CPNE4: variants seen among roughly 807,000 people sequenced by gnomAD.
CPNE4 encodes the protein copine-4.
In CPNE4, 25 loss-of-function variants were observed where a neutral mutation model predicts 67.9. The observed-to-expected ratio is 0.37, with a 90% CI of 0.27 to 0.51. The LOEUF (loss-of-function observed/expected upper bound fraction) is 0.51. Among genes scored for constraint, CPNE4 ranks in the 20% least tolerant of loss-of-function variants. The probability of loss-of-function intolerance (pLI) is 0.93; values close to 1 mark genes in which losing one functional copy is unlikely to be tolerated. For missense variants in CPNE4, 464 were observed against 690.8 expected (o/e 0.67, Z 3.68); for synonymous variants, 242 against 244.9 (o/e 0.99, Z 0.11).
intron 1 of CPNE4, among the ~76,000 whole-genome samples, chr3:131,905,805 T>C (rs775920982): frequency 9.2e-5 from 14 of 152,326 alleles, no homozygotes; most frequent in Non-Finnish European, 2.1e-4. Flanking sequence ...ATTGTACAGA[T>C]TTGTTGGTTC....
chr3:131,669,635 T>G (rs779952861), intron 7 of CPNE4, 40 bp downstream of exon 7: 2 of 1,510,842 alleles, frequency 1.3e-6, no homozygotes, highest in South Asian at 2.4e-5. Flanking sequence ...ATTAAATACT[T>G]TTTTTAAAAA....
intron 7 of CPNE4, among the ~76,000 whole-genome samples, chr3:131,592,346 C>A (rs1938583342): frequency 6.6e-6 from 1 of 152,206 alleles, no homozygotes; most frequent in South Asian, 2.1e-4. Flanking sequence ...ACACAACTAA[C>A]ACTAGGTAAT....
chr3:131,711,479 G>A (rs957812684), intron 3 of CPNE4, among the ~76,000 whole-genome samples: 2 of 152,174 alleles, frequency 1.3e-5, no homozygotes, highest in Non-Finnish European at 2.9e-5. Context: ...GCTGGCCTGA[G>A]CATCCTGATG....
intron 2 of CPNE4, among the ~76,000 whole-genome samples, chr3:131,800,301 T>C (rs1368226939): frequency 6.6e-6 from 1 of 152,128 alleles, no homozygotes; most frequent in Non-Finnish European, 1.5e-5. Flanking sequence ...GAGATTGTGT[T>C]GCAGTTCTCC....
intron 2 of CPNE4, among the ~76,000 whole-genome samples, chr3:131,813,372 G>A (rs1027665224): frequency 6.0e-5 from 9 of 150,238 alleles, no homozygotes; most frequent in East Asian, 5.9e-4. Context: ...ATCCATTCAC[G>A]TTTTTTAAAT....
chr3:131,558,720 A>T (rs1027518855), intron 11 of CPNE4, among the ~76,000 whole-genome samples: 1 of 152,036 alleles, frequency 6.6e-6, no homozygotes, highest in African/African-American at 2.4e-5. Flanking sequence ...TACTGTATCC[A>T]TAAGGAAATG....
chr3:131,699,802 C>T lies in CPNE4; in HGVS notation c.432+107G>A, dbSNP rs995725629. 5 of 699,692 alleles carry T rather than the reference C, an allele frequency of 7.1e-6. No individual in the cohort carries two copies. The Admixed American group carries it at 8.0e-5, about 11-fold the overall frequency. 43.3% of individuals were successfully genotyped at this position (699,692 alleles called of 1,614,324 possible). A position where few individuals can be genotyped will look rare whatever the true frequency, so the allele number is the denominator to read the frequency against. ...TTCAATAGTTCAGTAGTTGTGGCAC[C>T]AACTCCCAATATCAGAAAGTCTGCT... On this transcript the variant is annotated intron_variant, in intron 4 of 15. Transcript: ENST00000429747.
chr3:131,991,083 A>G (rs1486856613), intron 1 of CPNE4, among the ~76,000 whole-genome samples: 2 of 136,302 alleles, frequency 1.5e-5, no homozygotes, highest in African/African-American at 4.9e-5. Context: ...TCTTTCCTTT[A>G]TAAATTACCC....
chr3:131,861,376 G>C (rs73203878), intron 2 of CPNE4, among the ~76,000 whole-genome samples: 11,615 of 151,654 alleles, frequency 0.077, 584 homozygotes, highest in East Asian at 0.17. Context: ...GTCATCTTAT[G>C]ACTCTGAGTT....
intron 1 of CPNE4, among the ~76,000 whole-genome samples, chr3:131,964,945 A>G (rs1231704592): frequency 6.6e-6 from 1 of 152,160 alleles, no homozygotes; most frequent in Non-Finnish European, 1.5e-5. Flanking sequence ...GGTTGAAATG[A>G]AGGAAAAAAT....
intron 7 of CPNE4, among the ~76,000 whole-genome samples, chr3:131,610,427 AC>A (rs1200544016): frequency 6.6e-6 from 1 of 151,980 alleles, no homozygotes; most frequent in Non-Finnish European, 1.5e-5. Flanking sequence ...CTCTCTCAAC[AC>A]TCAGCACCTC....
At chr3:131,648,974 C>A (rs2079738260) in intron 7 of CPNE4, among the ~76,000 whole-genome samples, 2 of 152,174 alleles carry the variant, frequency 1.3e-5, no homozygotes, top group African/African-American at 4.8e-5. Flanking sequence ...TCCAGCAAGG[C>A]AAGCATGGAA....
chr3:131,818,933 C>G (rs900498726), intron 2 of CPNE4, among the ~76,000 whole-genome samples: 1 of 152,128 alleles, frequency 6.6e-6, no homozygotes, highest in African/African-American at 2.4e-5. Flanking sequence ...AACCCCATCT[C>G]TACTAAAAAT....
chr3:131,617,420 A>C (rs1430164013), intron 7 of CPNE4, among the ~76,000 whole-genome samples: 2 of 152,204 alleles, frequency 1.3e-5, no homozygotes, highest in Non-Finnish European at 2.9e-5. Flanking sequence ...CCAACAACCC[A>C]GGCAGATGGG....
chr3:131,857,858 A>T (rs966213353), intron 2 of CPNE4, among the ~76,000 whole-genome samples: 11 of 151,984 alleles, frequency 7.2e-5, no homozygotes, highest in African/African-American at 2.7e-4. Context: ...TCCTAACAAC[A>T]TAGCAATTTC....
intron 11 of CPNE4, among the ~76,000 whole-genome samples, chr3:131,563,788 G>A (rs1936913754): frequency 6.6e-6 from 1 of 152,000 alleles, no homozygotes; most frequent in Non-Finnish European, 1.5e-5. Context: ...TACTATATAA[G>A]GGTTAATGTG....
At chr3:131,727,651 T>C (rs185546301) in intron 2 of CPNE4, among the ~76,000 whole-genome samples, 39 of 152,342 alleles carry the variant, frequency 2.6e-4, no homozygotes, top group Admixed American at 1.0e-3. Context: ...CAATTCAATA[T>C]GTTTTGACAC....
intron 1 of CPNE4, among the ~76,000 whole-genome samples, chr3:131,981,691 C>T (rs992391080): frequency 5.3e-5 from 8 of 152,324 alleles, no homozygotes; most frequent in Admixed American, 3.3e-4. Flanking sequence ...GTGCTCATCT[C>T]GCGTTGGATC....
At chr3:131,789,005 G>GACACACACACAC (rs150450935) in intron 2 of CPNE4, among the ~76,000 whole-genome samples, 2 of 133,660 alleles carry the variant, frequency 1.5e-5, no homozygotes, top group South Asian at 2.8e-4. Context: ...AACTCAACCA[G>GACACACACACAC]ACACACACAC....
Sources: gnomAD v4.1 joint callset for allele counts (sites outside exome capture counted in the v4.1 genomes callset) on GRCh38, gnomAD v4.1.1 for gene constraint, MANE v1.5 for transcripts, NCBI Gene and HGNC (gene_info 2026-07-23, HGNC 2026-07-21) for gene names.